DOCK1: variants seen among roughly 807,000 people sequenced by gnomAD.
DOCK1 encodes dedicator of cytokinesis protein 1.
DOCK1 carries 138 observed loss-of-function variants against 262.7 expected under a neutral mutation model. The observed-to-expected ratio is 0.53, with a 90% confidence interval of 0.46 to 0.61. The LOEUF is 0.61. DOCK1 is among the 20% of genes least tolerant of loss of function. The pLI, the probability that DOCK1 is intolerant of heterozygous loss-of-function variation, is 0.00. For synonymous variants in DOCK1, 866 were observed against 867.4 expected (o/e 1.00, Z 0.03); for missense variants, 1,908 against 2,370.7 (o/e 0.80, Z 4.05).
At chr10:127,115,475 T>C (rs924025272) in intron 25 of DOCK1, among the ~76,000 whole-genome samples, 2 of 152,228 alleles carry the variant, frequency 1.3e-5, no homozygotes, top group Admixed American at 1.3e-4. Flanking sequence ...GCAAGATAGA[T>C]ACAAAGAGAA....
intron 1 of DOCK1, among the ~76,000 whole-genome samples, chr10:126,911,760 G>C (rs1312650406): frequency 1.2e-4 from 19 of 152,178 alleles, no homozygotes; most frequent in Non-Finnish European, 1.0e-4. Context: ...GCTGATGGGA[G>C]TTGACAGGAA....
At chr10:127,076,391 A>C (rs968790419) in intron 23 of DOCK1, among the ~76,000 whole-genome samples, 42 of 152,120 alleles carry the variant, frequency 2.8e-4, no homozygotes, top group Admixed American at 2.6e-3. Flanking sequence ...GTCCCTGCTA[A>C]TCAGGAGACT....
intron 27 of DOCK1, among the ~76,000 whole-genome samples, chr10:127,156,819 C>T (rs1454214134): frequency 2.0e-5 from 3 of 152,138 alleles, no homozygotes; most frequent in East Asian, 3.9e-4. Flanking sequence ...CTTCCCGCCT[C>T]GGCCTCCCAA....
chr10:127,070,250 CTTTTTTTTTTTT>C (rs71032535), intron 23 of DOCK1, among the ~76,000 whole-genome samples: 1 of 92,948 alleles, frequency 1.1e-5, no homozygotes, highest in East Asian at 3.5e-4. Flanking sequence ...GAATTTAGCC[CTTTTTTTTTTTT>C]TTTTTTTTTG....
chr10:127,384,698 G>A lies in DOCK1; in HGVS notation c.3808-92G>A, dbSNP rs897161067. ...AGCCACACATGTCTCCAGAACCGCGGCCCACACGCGTGTCCGATGCGAAGC... is the reference window on the plus strand; with the variant it reads ...AGCCACACATGTCTCCAGAACCGCGACCCACACGCGTGTCCGATGCGAAGC... On this transcript the variant is annotated intron_variant, in intron 37 of 51. Transcript: ENST00000623213. The A allele has an allele frequency of 5.1e-6, 7 of 1,383,798 alleles. No homozygotes were observed. The African/African-American group carries it at 1.0e-4, about 20-fold the overall frequency. 85.7% of individuals were successfully genotyped at this position (1,383,798 alleles called of 1,614,324 possible). A position where few individuals can be genotyped will look rare whatever the true frequency, so the allele number is the denominator to read the frequency against.
chr10:127,336,635 G>T (rs1032501470), intron 29 of DOCK1, among the ~76,000 whole-genome samples: 1 of 151,624 alleles, frequency 6.6e-6, no homozygotes, highest in African/African-American at 2.4e-5. Flanking sequence ...CGCCTCCCAG[G>T]TTCGCACCAT....
At chr10:127,351,263 A>G (rs574871830) in intron 31 of DOCK1, among the ~76,000 whole-genome samples, 5 of 152,192 alleles carry the variant, frequency 3.3e-5, no homozygotes, top group Admixed American at 6.5e-5. Flanking sequence ...GGCTCAGGTA[A>G]GAAGCTCTGG....
At chr10:126,953,115 ATGG>A (rs1222824903) in intron 1 of DOCK1, among the ~76,000 whole-genome samples, 10 of 150,098 alleles carry the variant, frequency 6.7e-5, no homozygotes, top group Non-Finnish European at 1.0e-4. Context: ...AGTATTGGTG[ATGG>A]TGGTGGTGGA....
intron 33 of DOCK1, among the ~76,000 whole-genome samples, chr10:127,366,256 A>C (rs2064902298): frequency 6.6e-6 from 1 of 152,086 alleles, no homozygotes; most frequent in African/African-American, 2.4e-5. Context: ...GTTTTAAAAA[A>C]ATCCCTCTTG....
In DOCK1 at chr10:127,125,487, C is replaced by A. The variant is rs1282335020; in HGVS notation, c.2637C>A (p.Ile879=). ...TGTCCTGTGTAGACTGCAGAGAGAT[C>A]CTGCTTCCCATGATGACCGATCAGC... ...DLFTQHDCRE[I]LLPMMTDQLK... Residue 879 remains isoleucine (I), a synonymous_variant, in exon 26 of 52, where the codon ATC becomes ATA. Coordinates refer to ENST00000623213, the MANE Select transcript of DOCK1 (RefSeq NM_001290223.2). 2 of 1,613,240 alleles carry A rather than the reference C, an allele frequency of 1.2e-6. No homozygotes were observed.
chr10:126,980,590 T>G (rs960321015), intron 3 of DOCK1, among the ~76,000 whole-genome samples: 1 of 152,168 alleles, frequency 6.6e-6, no homozygotes, highest in Admixed American at 6.5e-5. Flanking sequence ...TTGGCCACTT[T>G]CCTTGTTGGC....
chr10:126,959,994 G>GA (rs1221370516), intron 1 of DOCK1, among the ~76,000 whole-genome samples: 1 of 152,046 alleles, frequency 6.6e-6, no homozygotes, highest in Non-Finnish European at 1.5e-5. Context: ...TTGTAGTAGA[G>GA]ATGGGGTTTC....
At chr10:126,967,547 C>T (rs944727232) in intron 1 of DOCK1, among the ~76,000 whole-genome samples, 3 of 151,510 alleles carry the variant, frequency 2.0e-5, no homozygotes, top group African/African-American at 4.9e-5. Flanking sequence ...GCCACAAACT[C>T]GGGCTAAGAT....
intron 28 of DOCK1, among the ~76,000 whole-genome samples, chr10:127,251,716 C>G (rs1590127911): frequency 6.7e-6 from 1 of 150,348 alleles, no homozygotes; most frequent in South Asian, 2.2e-4. Context: ...TGAACTCATC[C>G]TTTTTTATGG....
At chr10:127,396,964 AGC>A (rs2066897211) in intron 38 of DOCK1, among the ~76,000 whole-genome samples, 9 of 107,484 alleles carry the variant, frequency 8.4e-5, no homozygotes, top group African/African-American at 1.4e-4. Context: ...TTACACGGGC[AGC>A]GTCTCCTGTG....
chr10:126,979,618 A>G (rs751392853), intron 3 of DOCK1, among the ~76,000 whole-genome samples: 3 of 152,168 alleles, frequency 2.0e-5, no homozygotes, highest in Non-Finnish European at 2.9e-5. Flanking sequence ...CTGAAACCAC[A>G]GTATTTCTGC....
At chr10:127,030,892 C>T (rs537940487) in intron 16 of DOCK1, among the ~76,000 whole-genome samples, 2 of 151,384 alleles carry the variant, frequency 1.3e-5, no homozygotes, top group South Asian at 2.1e-4. Context: ...AGAATTATCA[C>T]GAAAATAAAT....
At chr10:127,170,555 T>C (rs2054474397) in intron 27 of DOCK1, among the ~76,000 whole-genome samples, 1 of 152,214 alleles carries the variant, frequency 6.6e-6, no homozygotes, top group African/African-American at 2.4e-5. Flanking sequence ...ATGTTTGGCG[T>C]AGGAAATCTA....
rs115289939 is a variant in DOCK1 at position 127,389,847 on chromosome 10, C to G, written c.3927+4938C>G. On this transcript the variant is annotated intron_variant, in intron 38 of 51. Transcript: ENST00000623213. ...TGGCCAATATGACAAAACCCCGTTT[C>G]TACTGAAAATACAAAAATTAGCCCA... 2.0e-3 allele frequency among the ~76,000 whole-genome samples: 305 copies of G among 152,166 alleles called. 2 individuals carry two copies. The highest frequency in any genetic ancestry group is 7.2e-3 in the African/African-American group (297 of 41,504).
Sources: gnomAD v4.1 joint callset for allele counts (sites outside exome capture counted in the v4.1 genomes callset) on GRCh38, gnomAD v4.1.1 for gene constraint, MANE v1.5 for transcripts, NCBI Gene and HGNC (gene_info 2026-07-23, HGNC 2026-07-21) for gene names.